The following GPM6B variants were observed in gnomAD, a reference collection of about 807,000 sequenced individuals.
GPM6B encodes the protein neuronal membrane glycoprotein M6-b.
GPM6B carries 4 observed loss-of-function variants against 27.2 expected under a neutral mutation model. The ratio of observed to expected loss-of-function variants is 0.15; its 90% CI spans 0.07 to 0.34. The LOEUF is 0.34. Ranked by LOEUF, GPM6B falls within the 10% of genes least tolerant of loss-of-function variation. The pLI is 1.00. For missense variants in GPM6B, 183 were observed against 261.9 expected (o/e 0.70, Z 2.08); for synonymous variants, 124 against 103.1 (o/e 1.20, Z -1.23).
chrX:13,872,136 G>A (rs924632464), intron 1 of GPM6B, among the ~76,000 whole-genome samples: 1 of 107,087 alleles, frequency 9.3e-6, no homozygotes, highest in Non-Finnish European at 1.9e-5. Flanking sequence ...AGGAGTGCTG[G>A]GGAGAAGGCT....
intron 7 of GPM6B, 73 bp downstream of exon 7, chrX:13,776,165 T>TG: frequency 1.1e-6 from 1 of 887,835 alleles, no homozygotes; most frequent in Non-Finnish European, 1.6e-6. Flanking sequence ...TGGTAAAAGC[T>TG]GGAAGGGAAA....
chrX:13,895,019 G>C (rs2050220411), intron 1 of GPM6B, among the ~76,000 whole-genome samples: 2 of 111,766 alleles, frequency 1.8e-5, no homozygotes, highest in African/African-American at 6.5e-5. Context: ...GAGTAAAAAA[G>C]CTCTTCATTC....
chrX:13,785,990 C>T (rs906824254), intron 2 of GPM6B, among the ~76,000 whole-genome samples, 182 bp from the exon 3 acceptor site: 1 of 112,490 alleles, frequency 8.9e-6, no homozygotes, highest in Non-Finnish European at 1.9e-5. Flanking sequence ...TCACATTCTG[C>T]GGTGAGGACC....
intron 1 of GPM6B, among the ~76,000 whole-genome samples, chrX:13,871,871 A>G (rs2049982123): frequency 8.9e-6 from 1 of 112,038 alleles, no homozygotes; most frequent in South Asian, 3.7e-4. Context: ...AATGAGCAGT[A>G]GCCCTTGATT....
At chrX:13,903,260 G>A (rs565552970) in intron 1 of GPM6B, among the ~76,000 whole-genome samples, 5 of 111,491 alleles carry the variant, frequency 4.5e-5, no homozygotes, top group South Asian at 7.7e-4. Flanking sequence ...TCAAAATCTC[G>A]ATTTATACCA....
chrX:13,822,115 C>T (rs1234736542), upstream of GPM6B, among the ~76,000 whole-genome samples: 2 of 111,169 alleles, frequency 1.8e-5, no homozygotes, highest in Non-Finnish European at 3.8e-5. Context: ...GGGATGTTTC[C>T]ACATTCTTTC....
intron 1 of GPM6B, among the ~76,000 whole-genome samples, chrX:13,841,979 C>G (rs978082789): frequency 8.0e-5 from 9 of 112,173 alleles, no homozygotes; most frequent in African/African-American, 2.9e-4. Context: ...AGGGCTACAG[C>G]TTGTGGGAAA....
rs2048326711 is a variant in GPM6B, at chrX:13,772,885, G to A, written c.983C>T (p.Thr328Ile). 8.3e-7 allele frequency: 1 copy of A among 1,208,564 alleles called. No homozygotes were observed. Among genetic ancestry groups the A allele is most frequent in the African/African-American group, 1.7e-5 (1 of 57,214 alleles). Reference sequence around the variant, plus strand: ...CCGAAACACTCTGGCAAACATTTATGTGTAAGAATTGAGTTGTTCTTTTGA... The same window carrying A: ...CCGAAACACTCTGGCAAACATTTATATGTAAGAATTGAGTTGTTCTTTTGA... ...SRSKEQLNSY[T>I] is the part of the protein sequence containing the mutation. The change falls in exon 8 of 8, where the codon ACA (threonine) becomes ATA (isoleucine). Residue 328 changes from threonine (T) to isoleucine (I), a missense_variant. Coordinates refer to ENST00000316715, the MANE Select transcript of GPM6B (RefSeq NM_001001995.3).
chrX:13,865,022 GTCTC>G (rs2049893478), intron 1 of GPM6B, among the ~76,000 whole-genome samples: 1 of 112,113 alleles, frequency 8.9e-6, no homozygotes, highest in South Asian at 3.7e-4. Flanking sequence ...TGTGAATGTA[GTCTC>G]TCTTTCTTAT....
chrX:13,793,703 A>G (rs2048757024), intron 2 of GPM6B, among the ~76,000 whole-genome samples: 1 of 112,265 alleles, frequency 8.9e-6, no homozygotes, highest in African/African-American at 3.2e-5. Flanking sequence ...GGAGCATCTG[A>G]AAATCCTGAT....
At chrX:13,858,977 C>A (rs745315289) in intron 1 of GPM6B, among the ~76,000 whole-genome samples, 1 of 112,365 alleles carries the variant, frequency 8.9e-6, no homozygotes, top group Non-Finnish European at 1.9e-5. Context: ...TTGAGATAAT[C>A]TAAGTAGCTC....
In GPM6B at chrX:13,816,865, C is replaced by G. The variant is rs1219281654; in HGVS notation, c.40G>C (p.Glu14Gln). 16 of 1,207,217 alleles carry G rather than the reference C, an allele frequency of 1.3e-5. No individual in the cohort carries two copies. The highest frequency in any genetic ancestry group is 1.8e-5 in the Non-Finnish European group (16 of 894,216). ...GTACCTTTTCTCTCTTGGCTTTGTT[C>G]AGTATTTTCCTCGGCTGCAGTTTCC... ...AMETAAEENT[E>Q]QSQERKVNSR... The change falls in exon 1 of 8, where the codon GAA becomes CAA. Residue 14 changes from glutamate to glutamine, a missense_variant. Transcript: ENST00000316715.
intron 4 of GPM6B, 87 bp from the exon 5 acceptor site, chrX:13,780,076 C>G: frequency 1.3e-6 from 1 of 773,374 alleles, no homozygotes; most frequent in Non-Finnish European, 1.8e-6. Context: ...TTTTCAGGCC[C>G]AATACTGACC....
At chrX:13,929,049 C>T (rs1160996413) in intron 1 of GPM6B, among the ~76,000 whole-genome samples, 4 of 111,819 alleles carry the variant, frequency 3.6e-5, no homozygotes, top group Admixed American at 9.5e-5. Flanking sequence ...TGACTAAGGA[C>T]GGAACGTGCA....
intron 2 of GPM6B, among the ~76,000 whole-genome samples, chrX:13,799,400 TTA>T (rs201597092): frequency 1.1e-4 from 10 of 87,397 alleles, no homozygotes; most frequent in South Asian, 6.8e-4. Flanking sequence ...ATTATTATTA[TTA>T]TTTTTTTTTT....
intron 1 of GPM6B, among the ~76,000 whole-genome samples, chrX:13,864,621 G>A (rs1003367753): frequency 2.7e-5 from 3 of 112,631 alleles, no homozygotes; most frequent in African/African-American, 9.7e-5. Flanking sequence ...ATGATGTTCT[G>A]GAAATATACT....
chrX:13,869,829 C>A (rs1434396788), intron 1 of GPM6B, among the ~76,000 whole-genome samples: 2 of 111,974 alleles, frequency 1.8e-5, no homozygotes, highest in Non-Finnish European at 3.8e-5. Context: ...AGAAATTAGC[C>A]TTGGCACAAT....
intron 1 of GPM6B, among the ~76,000 whole-genome samples, chrX:13,870,300 A>G (rs1190205909): frequency 6.2e-5 from 7 of 112,546 alleles, no homozygotes; most frequent in Admixed American, 5.6e-4. Context: ...AATGTTTACC[A>G]TGTTCCAGAT....
intron 1 of GPM6B, among the ~76,000 whole-genome samples, chrX:13,917,050 A>G (rs1354881493): frequency 9.1e-6 from 1 of 110,466 alleles, no homozygotes; most frequent in East Asian, 2.8e-4. Context: ...CATCTCTACA[A>G]AAAACACAAA....
Sources: gnomAD v4.1 joint callset for allele counts (sites outside exome capture counted in the v4.1 genomes callset) on GRCh38, gnomAD v4.1.1 for gene constraint, MANE v1.5 for transcripts, NCBI Gene and HGNC (gene_info 2026-07-23, HGNC 2026-07-21) for gene names.